OMP: variants seen among roughly 807,000 people sequenced by gnomAD.
The protein encoded by OMP is olfactory neuronal-specific protein.
OMP carries 6 observed loss-of-function variants against 12.0 expected under a neutral mutation model. That is an observed-to-expected ratio of 0.50 (90% CI 0.27 to 0.99). The LOEUF is 0.99. Ranked by LOEUF, OMP falls within the 50% of genes least tolerant of loss-of-function variation. The pLI is 0.11. For missense variants in OMP, 237 were observed against 225.0 expected (o/e 1.05, Z -0.34); for synonymous variants, 81 against 101.0 (o/e 0.80, Z 1.19).
chr11:77,102,930 A>C lies in OMP; in HGVS notation c.91A>C (p.Ser31Arg), dbSNP rs782551072. ...LTRQMRLRVE[S>R]LKQRGEKRQD... ...CAGGCAGATGCGGCTACGCGTGGAG[A>C]GCCTGAAGCAGCGCGGGGAGAAGCG... is the stretch of plus-strand genomic sequence containing the variant. Residue 31 changes from serine (S) to arginine (R), a missense_variant, in exon 1 of 1, where the codon AGC becomes CGC. By Grantham distance (110) the Ser-to-Arg change is moderately radical (BLOSUM62 -1). Coordinates refer to ENST00000529803, the MANE Select transcript of OMP (RefSeq NM_006189.1). The C allele has an allele frequency of 6.2e-6, 10 of 1,612,962 alleles. No individual in the cohort carries two copies. Among genetic ancestry groups the C allele is most frequent in the Non-Finnish European group, 5.9e-6 (7 of 1,179,888 alleles).
chr11:77,103,035 G>A lies in OMP; in HGVS notation c.196G>A (p.Glu66Lys), dbSNP rs782214575. Residue 66 changes from glutamate to lysine, a missense_variant, in exon 1 of 1, where the codon GAG becomes AAG. Glu to Lys is a moderately conservative substitution (Grantham distance 56). Transcript: ENST00000529803. ...CACCCAGCAGCAGCGGCTACAGTTC[G>A]AGCGCTGGAATGTCGTGCTGGACAA... ...NFTQQQRLQF[E>K]RWNVVLDKPG... The A allele has an allele frequency of 2.7e-5, 43 of 1,613,458 alleles. No individual in the cohort carries two copies. In the East Asian group the frequency reaches 4.7e-4, roughly 18 times the overall value.
chr11:77,103,049 C>T lies in OMP; in HGVS notation c.210C>T (p.Val70=), dbSNP rs782271733. 5.6e-6 allele frequency: 9 copies of T among 1,613,606 alleles called. No homozygotes were observed. The South Asian group carries it at 6.6e-5, about 12-fold the overall frequency. ...GGCTACAGTTCGAGCGCTGGAATGT[C>T]GTGCTGGACAAGCCGGGCAAGGTCA... is the stretch of plus-strand genomic sequence containing the variant. ...QQRLQFERWN[V]VLDKPGKVTI... The change falls in exon 1 of 1, where the codon GTC becomes GTT. Residue 70 remains valine, a synonymous_variant. Transcript: ENST00000529803.
In OMP at chr11:77,102,935, G is replaced by C; in HGVS notation, c.96G>C (p.Leu32=). The C allele has an allele frequency of 1.2e-6, 2 of 1,613,044 alleles. No individual in the cohort carries two copies. The highest frequency in any genetic ancestry group is 1.7e-6 in the Non-Finnish European group (2 of 1,179,890). Residue 32 remains leucine (L), a synonymous_variant, in exon 1 of 1, where the codon CTG becomes CTC. Coordinates refer to ENST00000529803, the MANE Select transcript of OMP (RefSeq NM_006189.1). ...AGATGCGGCTACGCGTGGAGAGCCT[G>C]AAGCAGCGCGGGGAGAAGCGCCAGG... is the stretch of plus-strand genomic sequence containing the variant. ...TRQMRLRVES[L]KQRGEKRQDG...
At position 77,102,993 on chromosome 11, in the gene OMP, G is replaced by T; in HGVS notation, c.154G>T (p.Val52Leu). The T allele has an allele frequency of 6.2e-7, 1 of 1,613,492 alleles. No individual in the cohort carries two copies. The highest frequency in any genetic ancestry group is 8.5e-7 in the Non-Finnish European group (1 of 1,179,892). ...GEKLLQPAES[V>L]YRLNFTQQQR... ...GAAGCTGCTGCAGCCAGCGGAGTCT[G>T]TGTACCGCCTCAACTTCACCCAGCA... The change falls in exon 1 of 1, where the codon GTG becomes TTG. Residue 52 changes from valine (V) to leucine (L), a missense_variant. Coordinates refer to ENST00000529803, the MANE Select transcript of OMP (RefSeq NM_006189.1).
At position 77,103,245 on chromosome 11, in the gene OMP, C is replaced by T. The variant is rs782380670; in HGVS notation, c.406C>T (p.Arg136Cys). The T allele has an allele frequency of 2.5e-5, 41 of 1,613,462 alleles. No individual in the cohort carries two copies. The highest frequency in any genetic ancestry group is 1.1e-4 in the South Asian group (10 of 91,088). ...GERLSDLAKI[R>C]KVMYFLVTFG... ...GCGCCTGTCGGACCTGGCCAAGATC[C>T]GCAAGGTCATGTACTTCCTCGTCAC... Residue 136 changes from arginine (R) to cysteine (C), a missense_variant, in exon 1 of 1, where the codon CGC becomes TGC. Physicochemically the swap from Arg to Cys is radical, Grantham distance 180 (BLOSUM62 -3). Transcript: ENST00000529803.
In OMP at chr11:77,102,871, TGGACATGCCGCTG is replaced by T; in HGVS notation, c.34_46del (p.Asp12SerfsTer6). 7.5e-6 allele frequency: 12 copies of T among 1,608,636 alleles called. No individual in the cohort carries two copies. Among genetic ancestry groups the T allele is most frequent in the Non-Finnish European group, 1.0e-5 (12 of 1,178,326 alleles). ...GAGGACAGGCCGCAGCAGCCGCAGC[TGGACATGCCGCTG>T]GTCCTGGACCAGGGCCTGACCAGGC... On this transcript the variant is annotated frameshift_variant, in exon 1 of 1. Transcript: ENST00000529803. LOFTEE classifies it high-confidence loss of function.
At position 77,102,943 on chromosome 11, in the gene OMP, G is replaced by T; in HGVS notation, c.104G>T (p.Arg35Leu). 6.2e-7 allele frequency: 1 copy of T among 1,613,114 alleles called. No individual in the cohort carries two copies. The highest frequency in any genetic ancestry group is 1.1e-5 in the South Asian group (1 of 91,082). ...MRLRVESLKQ[R>L]GEKRQDGEKL... is the part of the protein sequence containing the mutation. ...CTACGCGTGGAGAGCCTGAAGCAGC[G>T]CGGGGAGAAGCGCCAGGATGGGGAG... is the stretch of plus-strand genomic sequence containing the variant. Residue 35 changes from arginine to leucine, a missense_variant, in exon 1 of 1, where the codon CGC (arginine) becomes CTC (leucine). Arg to Leu is a moderately radical substitution (Grantham distance 102). Coordinates refer to ENST00000529803, the MANE Select transcript of OMP (RefSeq NM_006189.1).
rs1555039259 is a variant in OMP at position 77,103,192 on chromosome 11, A to G, written c.353A>G (p.Asn118Ser). The G allele has an allele frequency of 3.1e-6, 5 of 1,613,634 alleles. No homozygotes were observed. ...GAGGACTCGGATGCCATAGATTGGA[A>G]TGAGGCCGACGCCCTGGAGTTTGGG... ...RKEDSDAIDW[N>S]EADALEFGER... Residue 118 changes from asparagine to serine, a missense_variant, in exon 1 of 1, where the codon AAT becomes AGT. Asn to Ser is a conservative substitution (Grantham distance 46). Transcript: ENST00000529803.
rs1555039157 is a variant in OMP at position 77,102,952 on chromosome 11, A to C, written c.113A>C (p.Lys38Thr). The C allele has an allele frequency of 6.2e-7, 1 of 1,613,188 alleles. No homozygotes were observed. The highest frequency in any genetic ancestry group is 1.3e-5 in the African/African-American group (1 of 75,070). Residue 38 changes from lysine (K) to threonine (T), a missense_variant, in exon 1 of 1, where the codon AAG (lysine) becomes ACG (threonine). Lys to Thr is a moderately conservative substitution (Grantham distance 78). Transcript: ENST00000529803. ...RVESLKQRGE[K>T]RQDGEKLLQP... is the part of the protein sequence containing the mutation. ...GAGAGCCTGAAGCAGCGCGGGGAGA[A>C]GCGCCAGGATGGGGAGAAGCTGCTG...
chr11:77,102,990 T>C lies in OMP; in HGVS notation c.151T>C (p.Ser51Pro), dbSNP rs1555039170. ...GGAGAAGCTGCTGCAGCCAGCGGAG[T>C]CTGTGTACCGCCTCAACTTCACCCA... ...DGEKLLQPAE[S>P]VYRLNFTQQQ... is the part of the protein sequence containing the mutation. Residue 51 changes from serine to proline, a missense_variant, in exon 1 of 1, where the codon TCT becomes CCT. By Grantham distance (74) the Ser-to-Pro change is moderately conservative. Transcript: ENST00000529803. 1.2e-6 allele frequency: 2 copies of C among 1,613,168 alleles called. No homozygotes were observed. Among genetic ancestry groups the C allele is most frequent in the South Asian group, 1.1e-5 (1 of 91,066 alleles).
rs782796145 is a variant in OMP at position 77,102,941 on chromosome 11, G to C, written c.102G>C (p.Gln34His). ...QMRLRVESLKQRGEKRQDGEK... is the reference protein window; with the variant it reads ...QMRLRVESLKHRGEKRQDGEK... ...GGCTACGCGTGGAGAGCCTGAAGCA[G>C]CGCGGGGAGAAGCGCCAGGATGGGG... The change falls in exon 1 of 1, where the codon CAG becomes CAC. Residue 34 changes from glutamine to histidine, a missense_variant. By Grantham distance (24) the Gln-to-His change is conservative. Transcript: ENST00000529803. 5.6e-6 allele frequency: 9 copies of C among 1,613,088 alleles called. No homozygotes were observed. In the South Asian group the frequency reaches 9.9e-5, roughly 18 times the overall value.
In OMP at chr11:77,102,944, CG is replaced by C. The variant is rs1189935746; in HGVS notation, c.109del (p.Glu37ArgfsTer59). 3 of 1,612,940 alleles carry C rather than the reference CG, an allele frequency of 1.9e-6. No individual in the cohort carries two copies. The highest frequency in any genetic ancestry group is 1.3e-5 in the African/African-American group (1 of 74,938). On this transcript the variant is annotated frameshift_variant, in exon 1 of 1. Coordinates refer to ENST00000529803, the MANE Select transcript of OMP (RefSeq NM_006189.1). LOFTEE classifies it high-confidence loss of function. ...RLRVESLKQR[G>X]EKRQDGEKLL... Reference sequence around the variant, plus strand: ...TACGCGTGGAGAGCCTGAAGCAGCGCGGGGAGAAGCGCCAGGATGGGGAGAA... The same window carrying C: ...TACGCGTGGAGAGCCTGAAGCAGCGCGGGAGAAGCGCCAGGATGGGGAGAA...
In OMP at chr11:77,103,012, C is replaced by T; in HGVS notation, c.173C>T (p.Thr58Ile). ...GAGTCTGTGTACCGCCTCAACTTCA[C>T]CCAGCAGCAGCGGCTACAGTTCGAG... Reference protein sequence around the residue: ...PAESVYRLNFTQQQRLQFERW... With the variant: ...PAESVYRLNFIQQQRLQFERW... The change falls in exon 1 of 1, where the codon ACC becomes ATC. Residue 58 changes from threonine to isoleucine, a missense_variant. Coordinates refer to ENST00000529803, the MANE Select transcript of OMP (RefSeq NM_006189.1). 6.2e-7 allele frequency: 1 copy of T among 1,613,678 alleles called. No individual in the cohort carries two copies. The highest frequency in any genetic ancestry group is 8.5e-7 in the Non-Finnish European group (1 of 1,179,898).
Position 77,103,174 on chromosome 11 carries a change from C to A in OMP, c.335C>A (p.Ser112Ter), listed in dbSNP as rs782164015. 1.9e-5 allele frequency: 30 copies of A among 1,613,828 alleles called. No homozygotes were observed. The highest frequency in any genetic ancestry group is 2.5e-5 in the Non-Finnish European group (30 of 1,179,896). Residue 112 changes from serine to a stop codon, truncating the protein, a stop_gained, in exon 1 of 1, where the codon TCG becomes TAG. Coordinates refer to ENST00000529803, the MANE Select transcript of OMP (RefSeq NM_006189.1). LOFTEE classifies it high-confidence loss of function. Reference protein sequence around the residue: ...PTAIFWRKEDSDAIDWNEADA... With the variant: ...PTAIFWRKED ...GCCATCTTCTGGCGCAAGGAGGACT[C>A]GGATGCCATAGATTGGAATGAGGCC...
rs782540258 is a variant in OMP, at chr11:77,103,103, G to A, written c.264G>A (p.Thr88=). The change falls in exon 1 of 1, where the codon ACG becomes ACA. Residue 88 remains threonine, a synonymous_variant. Transcript: ENST00000529803. ...VTITGTSQNW[T]PDLTNLMTRQ... ...TCACAGGCACCTCGCAGAACTGGAC[G>A]CCTGACCTCACCAACCTCATGACAC... 2.3e-5 allele frequency: 37 copies of A among 1,613,754 alleles called. No homozygotes were observed. In the East Asian group the frequency reaches 6.0e-4, roughly 26 times the overall value.
Position 77,102,904 on chromosome 11 carries a change from C to A in OMP, c.65C>A (p.Thr22Asn), listed in dbSNP as rs1555039139. 1.2e-6 allele frequency: 2 copies of A among 1,612,490 alleles called. No individual in the cohort carries two copies. Among genetic ancestry groups the A allele is most frequent in the African/African-American group, 1.3e-5 (1 of 74,900 alleles). Residue 22 changes from threonine (T) to asparagine (N), a missense_variant, in exon 1 of 1, where the codon ACC becomes AAC. Physicochemically the swap from Thr to Asn is moderately conservative, Grantham distance 65. Transcript: ENST00000529803. ...DMPLVLDQGL[T>N]RQMRLRVESL... ...CCGCTGGTCCTGGACCAGGGCCTGA[C>A]CAGGCAGATGCGGCTACGCGTGGAG...
chr11:77,103,283 T>A lies in OMP; in HGVS notation c.444T>A (p.Gly148=), dbSNP rs1296200573. The change falls in exon 1 of 1, where the codon GGT becomes GGA. Residue 148 remains glycine (G), a synonymous_variant. Coordinates refer to ENST00000529803, the MANE Select transcript of OMP (RefSeq NM_006189.1). ...ACTTCCTCGTCACCTTTGGCGAGGG[T>A]GTGGAGCCCGCCAACCTCAAGGCCT... ...VMYFLVTFGE[G]VEPANLKASV... 2.7e-5 allele frequency: 43 copies of A among 1,612,772 alleles called. No individual in the cohort carries two copies. The highest frequency in any genetic ancestry group is 3.6e-5 in the Non-Finnish European group (42 of 1,179,698).
rs782432970 is a variant in OMP, at chr11:77,103,293, G to T, written c.454G>T (p.Ala152Ser). ...LVTFGEGVEP[A>S]NLKASVVFNQ... ...CACCTTTGGCGAGGGTGTGGAGCCCGCCAACCTCAAGGCCTCCGTGGTTTT... is the reference window on the plus strand; with the variant it reads ...CACCTTTGGCGAGGGTGTGGAGCCCTCCAACCTCAAGGCCTCCGTGGTTTT... Residue 152 changes from alanine (A) to serine (S), a missense_variant, in exon 1 of 1, where the codon GCC (alanine) becomes TCC (serine). Physicochemically the swap from Ala to Ser is moderately conservative, Grantham distance 99. Coordinates refer to ENST00000529803, the MANE Select transcript of OMP (RefSeq NM_006189.1). 1.2e-6 allele frequency: 2 copies of T among 1,612,390 alleles called. No individual in the cohort carries two copies.
rs369475547 is a variant in OMP, at chr11:77,102,985, C to A, written c.146C>A (p.Ala49Glu). ...GATGGGGAGAAGCTGCTGCAGCCAG[C>A]GGAGTCTGTGTACCGCCTCAACTTC... ...RQDGEKLLQP[A>E]ESVYRLNFTQ... The change falls in exon 1 of 1, where the codon GCG (alanine) becomes GAG (glutamate). Residue 49 changes from alanine (A) to glutamate (E), a missense_variant. Transcript: ENST00000529803. 1.2e-5 allele frequency: 19 copies of A among 1,613,290 alleles called. No homozygotes were observed. Among genetic ancestry groups the A allele is most frequent in the Admixed American group, 1.7e-5 (1 of 60,002 alleles).
Sources: allele counts gnomAD v4.1 joint callset, GRCh38; gene constraint gnomAD v4.1.1; transcripts MANE v1.5; gene names NCBI Gene and HGNC (gene_info 2026-07-23, HGNC 2026-07-21).